Variants in ELF1 observed in about 807,000 individuals in gnomAD.
The protein encoded by ELF1 is E74 like ETS transcription factor 1.
In ELF1, 24 loss-of-function variants were observed where a neutral mutation model predicts 59.9. The observed-to-expected ratio is 0.40, with a 90% CI of 0.29 to 0.56. The LOEUF (loss-of-function observed/expected upper bound fraction) is 0.56. Ranked by LOEUF, ELF1 falls within the 20% of genes least tolerant of loss-of-function variation. The pLI is 0.44. For missense variants in ELF1, 627 were observed against 742.2 expected (o/e 0.84, Z 1.80); for synonymous variants, 248 against 266.2 (o/e 0.93, Z 0.67).
chr13:40,958,887 C>T lies in ELF1; in HGVS notation c.202G>A (p.Val68Ile), dbSNP rs1292579048. The T allele has an allele frequency of 1.9e-6, 3 of 1,613,870 alleles. No individual in the cohort carries two copies. Among genetic ancestry groups the T allele is most frequent in the Non-Finnish European group, 2.5e-6 (3 of 1,179,912 alleles). ...NDMITESSLD[V>I]AEEEIIDDDD... Reference sequence around the variant, plus strand: ...TCGTCTATGATTTCTTCTTCAGCAACATCCAGTGAACTCTCAGTAATCATG... The same window carrying T: ...TCGTCTATGATTTCTTCTTCAGCAATATCCAGTGAACTCTCAGTAATCATG... The change falls in exon 3 of 9, where the codon GTT becomes ATT. Residue 68 changes from valine (V) to isoleucine (I), a missense_variant. This residue lies in a region of ELF1 where 232 missense variants were observed against 269.2 expected (regional missense o/e 0.86). Transcript: ENST00000239882.
intron 1 of ELF1, among the ~76,000 whole-genome samples, chr13:41,041,479 C>A (rs1180802937): frequency 1.3e-5 from 2 of 151,998 alleles, no homozygotes; most frequent in African/African-American, 2.4e-5. Context: ...AGGAGACCAG[C>A]CTGGGCAACA....
At chr13:40,953,741 T>TC (rs1256829713) in intron 3 of ELF1, among the ~76,000 whole-genome samples, 1 of 152,146 alleles carries the variant, frequency 6.6e-6, no homozygotes, top group African/African-American at 2.4e-5. Flanking sequence ...TCTCAAAGGC[T>TC]CCCCGTCACC....
At chr13:40,949,690 A>C in intron 5 of ELF1, 116 bp downstream of exon 5, 1 of 1,284,146 alleles carries the variant, frequency 7.8e-7, no homozygotes, top group Non-Finnish European at 1.1e-6. Context: ...TGTGCCTTCA[A>C]TGTTTTTCTT....
chr13:40,940,271 G>A (rs976191116), intron 8 of ELF1, among the ~76,000 whole-genome samples: 1 of 142,434 alleles, frequency 7.0e-6, no homozygotes. Flanking sequence ...CCCATTCTAA[G>A]TCAGCTGAGA....
chr13:41,022,181 C>G (rs1388283329), upstream of ELF1, among the ~76,000 whole-genome samples: 1 of 152,090 alleles, frequency 6.6e-6, no homozygotes, highest in African/African-American at 2.4e-5. Flanking sequence ...TGGATAAATC[C>G]ATGTAATGGA....
chr13:40,992,748 A>G lies in ELF1; in HGVS notation c.-228-10466T>C, dbSNP rs1873926443. 2.3e-5 allele frequency: 6 copies of G among 262,220 alleles called. No individual in the cohort carries two copies. In the South Asian group the frequency reaches 3.6e-4, roughly 16 times the overall value. 16.2% of individuals were successfully genotyped at this position (262,220 alleles called of 1,614,324 possible). A position where few individuals can be genotyped will look rare whatever the true frequency, so the allele number is the denominator to read the frequency against. On this transcript the variant is annotated intron_variant, in intron 1 of 8. Transcript: ENST00000239882. ...GTTTTCATTAGAGTCAAAGTCTTGAACATCCCCTGGAATTCATCTGAAAAG... is the reference window on the plus strand; with the variant it reads ...GTTTTCATTAGAGTCAAAGTCTTGAGCATCCCCTGGAATTCATCTGAAAAG...
intron 1 of ELF1, among the ~76,000 whole-genome samples, chr13:40,993,629 T>C (rs929021292): frequency 4.6e-5 from 7 of 152,086 alleles, no homozygotes; most frequent in Admixed American, 2.6e-4. Context: ...TATAGGTGTG[T>C]ACTACCACAC....
At chr13:41,010,952 A>G (rs1287112982) in intron 1 of ELF1, among the ~76,000 whole-genome samples, 1 of 152,198 alleles carries the variant, frequency 6.6e-6, no homozygotes, top group Admixed American at 6.5e-5. Context: ...TTTCTATAGC[A>G]GTTTCCACAT....
chr13:41,055,145 A>ATGTC (rs769289689), intron 1 of ELF1, among the ~76,000 whole-genome samples: 10 of 152,174 alleles, frequency 6.6e-5, no homozygotes, highest in Non-Finnish European at 1.5e-4. Context: ...GGAGGAGGAT[A>ATGTC]TGTCCCCAGA....
chr13:40,934,715 C>T (rs7329399), intron 8 of ELF1, among the ~76,000 whole-genome samples: 26,857 of 152,020 alleles, frequency 0.18, 2,565 homozygotes, highest in African/African-American at 0.22. Context: ...CCACTGTGCC[C>T]GGCCTGCTAT....
intron 1 of ELF1, among the ~76,000 whole-genome samples, chr13:41,032,773 C>T (rs529689133): frequency 7.9e-5 from 12 of 151,736 alleles, no homozygotes; most frequent in African/African-American, 2.9e-4. Context: ...TCTCCTGAGC[C>T]CAGGAGTTTG....
At chr13:40,956,588 A>G (rs1051665643) in intron 3 of ELF1, among the ~76,000 whole-genome samples, 13 of 150,526 alleles carry the variant, frequency 8.6e-5, no homozygotes, top group South Asian at 4.2e-4. Flanking sequence ...AAAAAAAAAA[A>G]AAAAAAGAAA....
chr13:40,949,831 T>A lies in ELF1; in HGVS notation c.504A>T (p.Ser168=). ...CTTTTTTCCTCTTAGGCTGTTCTGG[T>A]GATGAGGCTCCCGGTGAGTCTGCAT... ...EKYADSPGAS[S]PEQPKRKKGR... The change falls in exon 5 of 9, where the codon TCA becomes TCT. Residue 168 remains serine (S), a synonymous_variant. Coordinates refer to ENST00000239882, the MANE Select transcript of ELF1 (RefSeq NM_172373.4). 1 of 1,614,144 alleles carries A rather than the reference T, an allele frequency of 6.2e-7. No individual in the cohort carries two copies. Among genetic ancestry groups the A allele is most frequent in the Non-Finnish European group, 8.5e-7 (1 of 1,180,020 alleles).
In ELF1 at chr13:41,004,299, T is replaced by G. The variant is rs1256751567; in HGVS notation, c.-229+14929A>C. Among the ~76,000 whole-genome samples, 5 of 152,028 alleles carry G rather than the reference T, an allele frequency of 3.3e-5. No homozygotes were observed. In the South Asian group the frequency reaches 8.3e-4, roughly 25 times the overall value. On this transcript the variant is annotated intron_variant, in intron 1 of 8. Transcript: ENST00000239882. Reference sequence around the variant, plus strand: ...AAGGAAGTAACATGTTACTTATTTCTAAAGAAATAGCCCACATCTGTTTTT... The same window carrying G: ...AAGGAAGTAACATGTTACTTATTTCGAAAGAAATAGCCCACATCTGTTTTT...
At chr13:41,014,729 A>G (rs1216074023) in intron 1 of ELF1, among the ~76,000 whole-genome samples, 1 of 152,170 alleles carries the variant, frequency 6.6e-6, no homozygotes, top group Non-Finnish European at 1.5e-5. Context: ...AGTCTGGCTA[A>G]TTTATGGAAG....
chr13:41,019,786 T>C (rs1875617641), upstream of ELF1, among the ~76,000 whole-genome samples: 1 of 152,146 alleles, frequency 6.6e-6, no homozygotes, highest in African/African-American at 2.4e-5. Context: ...CTATGTAGTC[T>C]GGAAAGGCTA....
chr13:40,989,566 T>A (rs1873731968), intron 1 of ELF1, among the ~76,000 whole-genome samples: 1 of 152,220 alleles, frequency 6.6e-6, no homozygotes, highest in African/African-American at 2.4e-5. Context: ...ATTTTTTTAT[T>A]GTTGAATTCT....
intron 5 of ELF1, among the ~76,000 whole-genome samples, chr13:40,944,980 T>C (rs1870415109): frequency 6.6e-6 from 1 of 152,002 alleles, no homozygotes; most frequent in Non-Finnish European, 1.5e-5. Context: ...GAGAAAAGTG[T>C]CAAAAAGCCC....
upstream of ELF1, among the ~76,000 whole-genome samples, chr13:41,022,872 C>A (rs9566666): frequency 1.3e-5 from 2 of 152,132 alleles, no homozygotes; most frequent in Non-Finnish European, 2.9e-5. Flanking sequence ...AAGCAAGACT[C>A]TGTGTCAGAC....
Sources: allele counts gnomAD v4.1 joint callset (sites outside exome capture counted in the v4.1 genomes callset), GRCh38; gene constraint gnomAD v4.1.1; regional missense constraint gnomAD v4.1.1; transcripts MANE v1.5; gene names NCBI Gene and HGNC (gene_info 2026-07-23, HGNC 2026-07-21).